Variants in IL4R observed in about 807,000 individuals in gnomAD.
IL4R encodes interleukin 4 receptor, also known as interleukin-4 receptor subunit alpha.
Under a neutral mutation model 41.5 loss-of-function variants are expected in IL4R, and 17 were observed. The observed-to-expected ratio is 0.41, with a 90% CI of 0.28 to 0.61. The LOEUF (loss-of-function observed/expected upper bound fraction) is 0.61, where lower values mean the gene tolerates loss of function less well. Ranked by LOEUF, IL4R falls within the 20% of genes least tolerant of loss-of-function variation. IL4R has a pLI of 0.31. For missense variants in IL4R, 974 were observed against 1,043.1 expected, an observed-to-expected ratio of 0.93 and a Z score of 0.91; for synonymous variants, 402 against 422.9, an observed-to-expected ratio of 0.95 and a Z score of 0.61.
At chr16:27,338,043 G>A (rs186765950) in intron 2 of IL4R, among the ~76,000 whole-genome samples, 13 of 145,914 alleles carry the variant, frequency 8.9e-5, no homozygotes, top group South Asian at 8.7e-4. Context: ...TGCAACCTCC[G>A]CCTCCTGGGT....
At chr16:27,338,243 T>C (rs1282025504) in intron 2 of IL4R, among the ~76,000 whole-genome samples, 1 of 151,812 alleles carries the variant, frequency 6.6e-6, no homozygotes, top group Non-Finnish European at 1.5e-5. Context: ...TCTTTTCTTT[T>C]TTTTTTATGA....
chr16:27,314,727 C>G (rs573699773), intron 1 of IL4R, among the ~76,000 whole-genome samples: 1 of 152,316 alleles, frequency 6.6e-6, no homozygotes, highest in Non-Finnish European at 1.5e-5. Context: ...CTCCATCTCT[C>G]AATCACGTTT....
At chr16:27,360,981 G>C in intron 10 of IL4R, 166 bp downstream of exon 10, 1 of 1,496,896 alleles carries the variant, frequency 6.7e-7, no homozygotes, top group Non-Finnish European at 8.9e-7. Context: ...TGGAAACGTG[G>C]ACTGCTGGCC....
At chr16:27,317,259 T>C (rs1163384307) in intron 1 of IL4R, among the ~76,000 whole-genome samples, 1 of 152,184 alleles carries the variant, frequency 6.6e-6, no homozygotes, top group Non-Finnish European at 1.5e-5. Context: ...TGGGATTTAG[T>C]CCACTCATTT....
At chr16:27,350,132 T>G (rs1445868021) in intron 6 of IL4R, among the ~76,000 whole-genome samples, 1 of 152,164 alleles carries the variant, frequency 6.6e-6, no homozygotes, top group South Asian at 2.1e-4. Context: ...TCAGAGATGG[T>G]CTCCCAAACA....
intron 1 of IL4R, 73 bp downstream of exon 1, chr16:27,314,093 G>C (rs971410897): frequency 9.0e-5 from 89 of 985,110 alleles, no homozygotes; most frequent in Non-Finnish European, 1.1e-4. Flanking sequence ...GGGCGTTCGG[G>C]AAGGGCTCGG....
intron 2 of IL4R, 60 bp from the exon 3 acceptor site, chr16:27,340,126 A>C: frequency 9.0e-7 from 1 of 1,107,556 alleles, no homozygotes; most frequent in South Asian, 1.3e-5. Context: ...TGCATATTGA[A>C]TAAGATGAGC....
chr16:27,347,913 G>A (rs1477156341), intron 6 of IL4R, among the ~76,000 whole-genome samples: 5 of 152,244 alleles, frequency 3.3e-5, no homozygotes, highest in Non-Finnish European at 7.3e-5. Flanking sequence ...GCCCACATGT[G>A]TCCTAAAAGC....
intron 1 of IL4R, among the ~76,000 whole-genome samples, chr16:27,325,375 C>T (rs1249923471): frequency 6.6e-6 from 1 of 152,044 alleles, no homozygotes; most frequent in African/African-American, 2.4e-5. Flanking sequence ...AGTTTGAGAC[C>T]AGCTTGGCCA....
At chr16:27,338,026 G>A (rs1042021539) in intron 2 of IL4R, among the ~76,000 whole-genome samples, 9 of 148,184 alleles carry the variant, frequency 6.1e-5, no homozygotes, top group Admixed American at 1.4e-4. Context: ...GCATGGTCTC[G>A]GCTCGCTGCA....
chr16:27,346,702 G>T, intron 6 of IL4R, 84 bp downstream of exon 6: 2 of 1,468,792 alleles, frequency 1.4e-6, no homozygotes, highest in Non-Finnish European at 1.9e-6. Context: ...CTGGAGCCAG[G>T]AGCCTGGGAG....
In IL4R at chr16:27,344,904, C is replaced by G. The variant is rs750194290; in HGVS notation, c.245C>G (p.Ala82Gly). Residue 82 changes from alanine to glycine, a missense_variant, in exon 5 of 11, where the codon GCG (alanine) becomes GGG (glycine). By Grantham distance (60) the Ala-to-Gly change is moderately conservative. This residue lies in a region of IL4R where 284 missense variants were observed against 313.4 expected (regional missense o/e 0.91). Coordinates refer to ENST00000395762, the MANE Select transcript of IL4R (RefSeq NM_000418.4). ...TGTATCCCTGAGAACAACGGAGGCG[C>G]GGGGTGCGTGTGCCACCTGCTCATG... The part of the protein sequence containing the change: ...HTCIPENNGG[A>G]GCVCHLLMDD... 1.9e-6 allele frequency: 3 copies of G among 1,614,040 alleles called. No homozygotes were observed. The highest frequency in any genetic ancestry group is 3.3e-5 in the Admixed American group (2 of 60,008).
At position 27,345,077 on chromosome 16, in the gene IL4R, C is replaced by A. The variant is rs2072130; in HGVS notation, c.361+57C>A. On this transcript the variant is annotated intron_variant, in intron 5 of 10. Coordinates refer to ENST00000395762, the MANE Select transcript of IL4R (RefSeq NM_000418.4). This position sits in a 1 kb window ranked among gnomAD's most constrained non-coding sequence, Gnocchi z 4.5. ...GGGTGTGTTCCCACAGCTGCCTGGGCTGAGGGTGGGGTGGGCAGGGGAGGA... is the reference window on the plus strand; with the variant it reads ...GGGTGTGTTCCCACAGCTGCCTGGGATGAGGGTGGGGTGGGCAGGGGAGGA... The A allele has an allele frequency of 1.2e-6, 1 of 809,730 alleles. No homozygotes were observed. The highest frequency in any genetic ancestry group is 1.9e-6 in the Non-Finnish European group (1 of 515,038). The allele number at this position is 809,730 out of a possible 1,614,324, so 50.2% of individuals were successfully genotyped here. A position where few individuals can be genotyped will look rare whatever the true frequency, so the allele number is the denominator to read the frequency against.
chr16:27,343,105 A>G (rs2141137134), intron 4 of IL4R, among the ~76,000 whole-genome samples: 1 of 152,334 alleles, frequency 6.6e-6, no homozygotes, highest in East Asian at 1.9e-4. Flanking sequence ...GGGCTACTCC[A>G]TGGTGCACAG....
rs1164244594 is a variant in IL4R, at chr16:27,355,841, T to A, written c.704T>A (p.Leu235Gln). Residue 235 changes from leucine (L) to glutamine (Q), a missense_variant, in exon 8 of 11, where the codon CTG becomes CAG. By Grantham distance (113) the Leu-to-Gln change is moderately radical. Transcript: ENST00000395762. Reference sequence around the variant, plus strand: ...GAGCCCTTCGAGCAGCACCTCCTGCTGGGCGTCAGCGTTTCCTGCATTGTC... The same window carrying A: ...GAGCCCTTCGAGCAGCACCTCCTGCAGGGCGTCAGCGTTTCCTGCATTGTC... ...YREPFEQHLLLGVSVSCIVIL... is the reference protein window; with the variant it reads ...YREPFEQHLLQGVSVSCIVIL... The A allele has an allele frequency of 1.2e-6, 2 of 1,613,582 alleles. No homozygotes were observed. The highest frequency in any genetic ancestry group is 1.3e-5 in the African/African-American group (1 of 74,918).
At chr16:27,349,631 A>G (rs1208173429) in intron 6 of IL4R, among the ~76,000 whole-genome samples, 3 of 152,218 alleles carry the variant, frequency 2.0e-5, no homozygotes, top group Admixed American at 6.5e-5. Flanking sequence ...AACAAAGCCA[A>G]AAGTTTAGTT....
At position 27,363,853 on chromosome 16, in the gene IL4R, GTC is replaced by G. The variant is rs2086405489; in HGVS notation, c.*25_*26del. 1.3e-6 allele frequency: 2 copies of G among 1,586,796 alleles called. No individual in the cohort carries two copies. Among genetic ancestry groups the G allele is most frequent in the Non-Finnish European group, 1.7e-6 (2 of 1,172,460 alleles). On this transcript the variant is annotated 3_prime_UTR_variant, in exon 11 of 11. Coordinates refer to ENST00000395762, the MANE Select transcript of IL4R (RefSeq NM_000418.4). ...TAGGTGCATGTCCTCTTGTTGCTGA[GTC>G]TGCAGATGAGGACTAGGGCTTATCC... is the stretch of plus-strand genomic sequence containing the variant.
intron 7 of IL4R, 97 bp downstream of exon 7, chr16:27,352,793 C>T (rs1352076304): frequency 8.0e-7 from 1 of 1,252,838 alleles, no homozygotes; most frequent in African/African-American, 1.5e-5. Context: ...GCTTTTATAT[C>T]ATAGGATGCC....
At chr16:27,330,893 G>A (rs1445464496) in intron 2 of IL4R, among the ~76,000 whole-genome samples, 1 of 152,052 alleles carries the variant, frequency 6.6e-6, no homozygotes, top group East Asian at 1.9e-4. Flanking sequence ...AACCCCCTGG[G>A]GATCTGTGGC....
Sources: gnomAD v4.1 joint callset for allele counts (sites outside exome capture counted in the v4.1 genomes callset) on GRCh38, gnomAD v4.1.1 for gene constraint, gnomAD v4.1.1 regional missense constraint, Gnocchi (gnomAD v3.1) non-coding constraint, MANE v1.5 for transcripts, NCBI Gene and HGNC (gene_info 2026-07-23, HGNC 2026-07-21) for gene names.